Variants in CRTC3 observed in about 807,000 individuals in gnomAD.
The protein encoded by CRTC3 is CREB regulated transcription coactivator 3.
A neutral mutation model predicts 74.5 loss-of-function variants in CRTC3; 26 were observed. The observed-to-expected ratio is 0.35, with a 90% CI of 0.26 to 0.48. The LOEUF (loss-of-function observed/expected upper bound fraction) is 0.48, where lower values mean the gene tolerates loss of function less well. CRTC3 is among the 20% of genes least tolerant of loss of function. CRTC3 has a pLI of 0.99. For synonymous variants in CRTC3, 377 were observed against 325.8 expected (o/e 1.16, Z -1.69); for missense variants, 760 against 787.3 (o/e 0.97, Z 0.41).
At chr15:90,534,287 C>T (rs1282443472) in intron 1 of CRTC3, among the ~76,000 whole-genome samples, 1 of 152,116 alleles carries the variant, frequency 6.6e-6, no homozygotes, top group African/African-American at 2.4e-5. Flanking sequence ...ATTAAGTGGA[C>T]ACTGGCAGGA....
chr15:90,642,941 T>G lies in CRTC3; in HGVS notation c.*801T>G, dbSNP rs1406498619. The G allele has an allele frequency of 4.3e-6, 1 of 232,940 alleles. No homozygotes were observed. Among genetic ancestry groups the G allele is most frequent in the South Asian group, 1.8e-4 (1 of 5,508 alleles). 14.4% of individuals were successfully genotyped at this position (232,940 alleles called of 1,614,324 possible). On this transcript the variant is annotated 3_prime_UTR_variant, in exon 15 of 15. Transcript: ENST00000268184. ...TGCAGGTGTCTCATACTCAGTGGCC[T>G]CCAGACAAACTCCAGACAAGCACAG...
intron 8 of CRTC3, among the ~76,000 whole-genome samples, chr15:90,618,828 A>G (rs1366039805): frequency 6.6e-6 from 1 of 152,226 alleles, no homozygotes; most frequent in East Asian, 1.9e-4. Flanking sequence ...TAAAATTTAC[A>G]TATTTAAACA....
chr15:90,619,918 TTTCA>T (rs1257721658), intron 9 of CRTC3, 128 bp downstream of exon 9: 1 of 736,830 alleles, frequency 1.4e-6, no homozygotes, highest in East Asian at 2.6e-5. Context: ...TCAACTGCAT[TTTCA>T]TAAAAACAGC....
At chr15:90,546,994 A>G (rs1033050632) in intron 2 of CRTC3, among the ~76,000 whole-genome samples, 2 of 152,372 alleles carry the variant, frequency 1.3e-5, no homozygotes, top group Non-Finnish European at 1.5e-5. Context: ...ACATCTTTAT[A>G]ATATGGAGTC....
chr15:90,618,729 C>T (rs1052859511), intron 8 of CRTC3, among the ~76,000 whole-genome samples: 2 of 152,200 alleles, frequency 1.3e-5, no homozygotes, highest in Non-Finnish European at 2.9e-5. Context: ...CCAGAGTCAC[C>T]ATTAGCATTA....
At chr15:90,572,785 A>C (rs961909539) in intron 2 of CRTC3, among the ~76,000 whole-genome samples, 4 of 152,144 alleles carry the variant, frequency 2.6e-5, no homozygotes, top group Admixed American at 1.3e-4. Flanking sequence ...CATGTTGGCC[A>C]GGCTGGTCTT....
intron 7 of CRTC3, among the ~76,000 whole-genome samples, chr15:90,616,948 C>T (rs1968508389): frequency 6.6e-6 from 1 of 152,204 alleles, no homozygotes; most frequent in Non-Finnish European, 1.5e-5. Flanking sequence ...TACTCCTCTT[C>T]TCAATACTTT....
chr15:90,538,889 C>T (rs1337952325), intron 1 of CRTC3, among the ~76,000 whole-genome samples: 2 of 151,944 alleles, frequency 1.3e-5, no homozygotes, highest in African/African-American at 2.4e-5. Flanking sequence ...CGTGGCTCAG[C>T]CTCCTGCTAG....
At chr15:90,600,883 G>A (rs527952378) in intron 3 of CRTC3, among the ~76,000 whole-genome samples, 1 of 152,304 alleles carries the variant, frequency 6.6e-6, no homozygotes, top group African/African-American at 2.4e-5. Context: ...GTTTGGGTGA[G>A]TGATAAGGAG....
intron 3 of CRTC3, chr15:90,595,166 A>G (rs1015808529): frequency 3.3e-5 from 5 of 152,250 alleles, no homozygotes; most frequent in African/African-American, 1.2e-4. Context: ...AATGGAGGCA[A>G]TTCATCAGCA....
At chr15:90,583,692 T>C (rs532183794) in intron 2 of CRTC3, among the ~76,000 whole-genome samples, 111 of 152,152 alleles carry the variant, frequency 7.3e-4, no homozygotes, top group Non-Finnish European at 1.5e-3. Context: ...ACAGGAGTTT[T>C]GTGAACTGAA....
intron 3 of CRTC3, chr15:90,597,788 A>G (rs943087982): frequency 1.3e-5 from 2 of 152,214 alleles, no homozygotes; most frequent in Non-Finnish European, 2.9e-5. Context: ...CTGACTTCAC[A>G]ATACCACATG....
In CRTC3 at chr15:90,616,302, C is replaced by T. The variant is rs147900452; in HGVS notation, c.614-1581C>T. Among the ~76,000 whole-genome samples, 606 of 152,216 alleles carry T rather than the reference C, an allele frequency of 4.0e-3. 2 individuals carry two copies. Among genetic ancestry groups the T allele is most frequent in the Non-Finnish European group, 6.5e-3 (439 of 68,012 alleles). On this transcript the variant is annotated intron_variant, in intron 7 of 14. Coordinates refer to ENST00000268184, the MANE Select transcript of CRTC3 (RefSeq NM_022769.5). ...GTTGCCTGAAGAGCATTGTATCCTC[C>T]CCTTACCGTGCTGTCAAATAAGTTA...
chr15:90,638,802 C>A lies in CRTC3; in HGVS notation c.1535C>A (p.Ala512Asp). 1 of 1,614,042 alleles carries A rather than the reference C, an allele frequency of 6.2e-7. No individual in the cohort carries two copies. The highest frequency in any genetic ancestry group is 8.5e-7 in the Non-Finnish European group (1 of 1,179,928). Residue 512 changes from alanine (A) to aspartate (D), a missense_variant, in exon 13 of 15, where the codon GCC becomes GAC. Around this residue, in one of 2 missense-constraint regions of CRTC3, gnomAD observed 652 missense variants for 635.2 expected, o/e 1.03. Transcript: ENST00000268184. ...CAGCAGTCCATGAGGCCAGGCCCTG[C>A]CTTTCCTCAACAGGTGGGTGATCGC... ...FDQQSMRPGP[A>D]FPQQVPLVQQ...
intron 7 of CRTC3, among the ~76,000 whole-genome samples, chr15:90,615,096 T>A (rs8036319): frequency 0.012 from 1,871 of 152,028 alleles, 43 homozygotes; most frequent in African/African-American, 0.043. Flanking sequence ...ATAAATTAAT[T>A]AATTGATCAC....
chr15:90,601,181 C>G (rs189724592), intron 3 of CRTC3, among the ~76,000 whole-genome samples: 1 of 152,136 alleles, frequency 6.6e-6, no homozygotes, highest in Non-Finnish European at 1.5e-5. Context: ...ATGAAAACAG[C>G]GCCCCTCTGC....
chr15:90,585,747 A>G (rs1967645460), intron 2 of CRTC3, among the ~76,000 whole-genome samples: 1 of 152,192 alleles, frequency 6.6e-6, no homozygotes, highest in African/African-American at 2.4e-5. Flanking sequence ...CTGCTAAGCC[A>G]GCAACTCCAG....
chr15:90,573,232 G>T (rs111599270), intron 2 of CRTC3, among the ~76,000 whole-genome samples: 3 of 152,168 alleles, frequency 2.0e-5, no homozygotes, highest in Admixed American at 1.3e-4. Context: ...ACTCAAGGGC[G>T]GGGATTCCAC....
intron 2 of CRTC3, among the ~76,000 whole-genome samples, chr15:90,582,332 C>T (rs917124630): frequency 3.9e-5 from 6 of 152,142 alleles, no homozygotes; most frequent in African/African-American, 1.2e-4. Context: ...GCTTGGGTGG[C>T]GCTCTGTGGA....
Sources: gnomAD v4.1 joint callset for allele counts (sites outside exome capture counted in the v4.1 genomes callset) on GRCh38, gnomAD v4.1.1 for gene constraint, gnomAD v4.1.1 regional missense constraint, MANE v1.5 for transcripts, NCBI Gene and HGNC (gene_info 2026-07-23, HGNC 2026-07-21) for gene names.